RFX3: variants seen among roughly 807,000 people sequenced by gnomAD.
RFX3 encodes the protein regulatory factor X3.
In RFX3, 14 loss-of-function variants were observed where a neutral mutation model predicts 98.6. The observed-to-expected ratio is 0.14, with a 90% CI of 0.09 to 0.22. The LOEUF (loss-of-function observed/expected upper bound fraction) is 0.22. Ranked by LOEUF, RFX3 falls within the 10% of genes least tolerant of loss-of-function variation. RFX3 has a pLI of 1.00. For missense variants in RFX3, 639 were observed against 926.9 expected (o/e 0.69, Z 4.03); for synonymous variants, 383 against 328.4 (o/e 1.17, Z -1.80).
At chr9:3,505,318 A>AAATAT (rs1816904479) in intron 1 of RFX3, among the ~76,000 whole-genome samples, 1 of 85,174 alleles carries the variant, frequency 1.2e-5, no homozygotes, top group South Asian at 4.3e-4. Flanking sequence ...ATATATATTA[A>AAATAT]TGTATATTTA....
intron 1 of RFX3, among the ~76,000 whole-genome samples, chr9:3,432,148 G>A (rs755503949): frequency 3.7e-4 from 56 of 152,106 alleles, no homozygotes; most frequent in Admixed American, 6.5e-4. Context: ...CTGATTCTTT[G>A]TTCCTGAAGT....
At chr9:3,465,090 A>T (rs1178657982) in intron 1 of RFX3, among the ~76,000 whole-genome samples, 1 of 152,102 alleles carries the variant, frequency 6.6e-6, no homozygotes, top group Admixed American at 6.5e-5. Flanking sequence ...TAGAAGAATC[A>T]CTAACTCATA....
intron 1 of RFX3, among the ~76,000 whole-genome samples, chr9:3,431,698 A>T (rs148369610): frequency 2.3e-3 from 345 of 152,328 alleles, no homozygotes; most frequent in African/African-American, 7.8e-3. Flanking sequence ...GGAGAATTTA[A>T]TGCCAGCAAA....
intron 2 of RFX3, among the ~76,000 whole-genome samples, chr9:3,362,153 AG>A (rs1836535977): frequency 6.6e-6 from 1 of 152,196 alleles, no homozygotes; most frequent in South Asian, 2.1e-4. Flanking sequence ...GTGTTTATTG[AG>A]CAAGAGCCAG....
chr9:3,310,234 A>T (rs950277163), intron 4 of RFX3, among the ~76,000 whole-genome samples: 1 of 152,186 alleles, frequency 6.6e-6, no homozygotes, highest in South Asian at 2.1e-4. Flanking sequence ...GAACCAAAAG[A>T]GGCTCCCCTG....
At chr9:3,292,991 T>G (rs1165215996) in intron 6 of RFX3, 86 bp downstream of exon 6, 6 of 1,040,142 alleles carry the variant, frequency 5.8e-6, no homozygotes, top group African/African-American at 1.6e-5. Flanking sequence ...TTGTCTGTAA[T>G]CAAGTACTTT....
At chr9:3,241,341 G>A (rs1433740829) in intron 15 of RFX3, among the ~76,000 whole-genome samples, 2 of 151,784 alleles carry the variant, frequency 1.3e-5, no homozygotes, top group African/African-American at 4.8e-5. Context: ...TATTTTTAGG[G>A]TACCTATTGC....
chr9:3,481,883 G>A (rs530436068), intron 1 of RFX3, among the ~76,000 whole-genome samples: 4 of 152,066 alleles, frequency 2.6e-5, no homozygotes, highest in African/African-American at 7.2e-5. Flanking sequence ...TAAATAAAAA[G>A]ACTGATTATA....
rs1817307788 is a variant in RFX3 at position 3,220,765 on chromosome 9, A to T, written c.*4277T>A. 6.6e-6 allele frequency: 1 copy of T among 152,134 alleles called. No homozygotes were observed. The highest frequency in any genetic ancestry group is 1.5e-5 in the Non-Finnish European group (1 of 68,016). The allele number at this position is 152,134 out of a possible 1,614,324, so 9.4% of individuals were successfully genotyped here. ...TATATCTTACAATGCTCAAAGGGTT[A>T]ATACAAGGCATTACATCAAAGGGGT... is the stretch of plus-strand genomic sequence containing the variant. On this transcript the variant is annotated 3_prime_UTR_variant, in exon 17 of 17. Transcript: ENST00000617270.
At chr9:3,482,976 A>T (rs1173736952) in intron 1 of RFX3, among the ~76,000 whole-genome samples, 1 of 152,174 alleles carries the variant, frequency 6.6e-6, no homozygotes, top group Admixed American at 6.5e-5. Flanking sequence ...TCCACAACCA[A>T]TCTTGCTTTT....
intron 7 of RFX3, among the ~76,000 whole-genome samples, chr9:3,287,208 C>T (rs1826733449): frequency 6.6e-6 from 1 of 151,888 alleles, no homozygotes; most frequent in Non-Finnish European, 1.5e-5. Flanking sequence ...AGAGTTAATG[C>T]TTCTGACTAA....
intron 1 of RFX3, among the ~76,000 whole-genome samples, chr9:3,412,277 G>C (rs1461375117): frequency 1.3e-5 from 2 of 152,152 alleles, no homozygotes; most frequent in Non-Finnish European, 2.9e-5. Context: ...AGGTTGGACA[G>C]GCCATCAAGG....
chr9:3,454,817 C>G (rs1249560592), intron 1 of RFX3, among the ~76,000 whole-genome samples: 2 of 152,128 alleles, frequency 1.3e-5, no homozygotes, highest in African/African-American at 4.8e-5. Context: ...CATCTAATCT[C>G]AACAAAACCT....
At chr9:3,455,413 T>C (rs568974326) in intron 1 of RFX3, among the ~76,000 whole-genome samples, 1 of 152,338 alleles carries the variant, frequency 6.6e-6, no homozygotes, top group East Asian at 1.9e-4. Context: ...GCTCCTACTA[T>C]ATACTCTTTC....
At chr9:3,299,054 C>G (rs1422249103) in intron 5 of RFX3, among the ~76,000 whole-genome samples, 1 of 151,612 alleles carries the variant, frequency 6.6e-6, no homozygotes, top group African/African-American at 2.4e-5. Context: ...TCATGTTCAC[C>G]TTAAAGAATC....
intron 4 of RFX3, among the ~76,000 whole-genome samples, chr9:3,326,115 GC>G (rs899315584): frequency 1.3e-5 from 2 of 151,978 alleles, no homozygotes; most frequent in African/African-American, 4.8e-5. Flanking sequence ...CGCAGGAAAT[GC>G]CTTTTAAATG....
intron 7 of RFX3, among the ~76,000 whole-genome samples, chr9:3,278,943 C>A (rs1231857847): frequency 6.6e-6 from 1 of 151,834 alleles, no homozygotes; most frequent in African/African-American, 2.4e-5. Flanking sequence ...GAAAAGAACT[C>A]AGATCTAATC....
intron 6 of RFX3, among the ~76,000 whole-genome samples, chr9:3,288,743 T>G (rs1162934773): frequency 6.6e-6 from 1 of 152,148 alleles, no homozygotes; most frequent in Non-Finnish European, 1.5e-5. Flanking sequence ...TTTACTTCAG[T>G]GATGATGAAG....
chr9:3,285,400 A>G (rs1273949984), intron 7 of RFX3, among the ~76,000 whole-genome samples: 1 of 151,820 alleles, frequency 6.6e-6, no homozygotes, highest in Non-Finnish European at 1.5e-5. Flanking sequence ...TATTTTTAAG[A>G]AGTTCTTTTC....
Sources: gnomAD v4.1 joint callset for allele counts (sites outside exome capture counted in the v4.1 genomes callset) on GRCh38, gnomAD v4.1.1 for gene constraint, MANE v1.5 for transcripts, NCBI Gene and HGNC (gene_info 2026-07-23, HGNC 2026-07-21) for gene names.